ALKBH2: variants seen among roughly 807,000 people sequenced by gnomAD.
ALKBH2 encodes DNA oxidative demethylase ALKBH2.
A neutral mutation model predicts 19.7 loss-of-function variants in ALKBH2; 19 were observed. The ratio of observed to expected loss-of-function variants is 0.97; its 90% CI spans 0.67 to 1.42. ALKBH2 has a LOEUF of 1.42. Among genes scored for constraint, ALKBH2 ranks in the 40% most tolerant of loss-of-function variants. The pLI, the probability that ALKBH2 is intolerant of heterozygous loss-of-function variation, is 0.00. For synonymous variants in ALKBH2, 135 were observed against 131.2 expected, an observed-to-expected ratio of 1.03 and a Z score of -0.20; for missense variants, 310 against 328.5, an observed-to-expected ratio of 0.94 and a Z score of 0.43.
At chr12:109,093,098 C>G in intron 1 of ALKBH2, 149 bp downstream of exon 1, 1 of 323,658 alleles carries the variant, frequency 3.1e-6, no homozygotes, top group East Asian at 6.5e-5. Flanking sequence ...AAAGAACTAC[C>G]TCCTGGGAAT....
chr12:109,091,841 C>T (rs1000132569), intron 2 of ALKBH2, among the ~76,000 whole-genome samples: 1 of 152,224 alleles, frequency 6.6e-6, no homozygotes, highest in Non-Finnish European at 1.5e-5. Flanking sequence ...CGAGCCACCA[C>T]GCCTAGCTTC....
chr12:109,092,729 G>T lies in ALKBH2; in HGVS notation c.58C>A (p.Gln20Lys). ...GCTGGCTCTTCTCCAGTTGGCTCTT[G>T]CTCCTCCTGCTTCCTCAAAAGGCCC... The part of the protein sequence containing the change: ...QGGLLRKQEE[Q>K]EPTGEEPAVL... Residue 20 changes from glutamine to lysine, a missense_variant, in exon 2 of 4, where the codon CAA (glutamine) becomes AAA (lysine). Physicochemically the swap from Gln to Lys is moderately conservative, Grantham distance 53. Transcript: ENST00000429722. The T allele has an allele frequency of 6.2e-7, 1 of 1,614,022 alleles. No individual in the cohort carries two copies. The highest frequency in any genetic ancestry group is 8.5e-7 in the Non-Finnish European group (1 of 1,179,998).
rs1310030899 is a variant in ALKBH2 at position 109,090,096 on chromosome 12, G to C, written c.392C>G (p.Pro131Arg). The stretch of plus-strand genomic sequence containing the variant: ...CTCTAGAACTGGGATCCAGGGCTTT[G>C]GAGACAGCGTGAGGCCTGAAAATGT... ...TYTFSGLTLS[P>R]KPWIPVLERI... The change falls in exon 3 of 4, where the codon CCA becomes CGA. Residue 131 changes from proline (P) to arginine (R), a missense_variant. Transcript: ENST00000429722. 5.0e-6 allele frequency: 8 copies of C among 1,614,074 alleles called. No homozygotes were observed. The Admixed American group carries it at 5.0e-5, about 10-fold the overall frequency.
At chr12:109,091,628 C>G (rs1164876146) in intron 2 of ALKBH2, among the ~76,000 whole-genome samples, 2 of 152,166 alleles carry the variant, frequency 1.3e-5, no homozygotes, top group African/African-American at 4.8e-5. Flanking sequence ...ACCTCTGCCT[C>G]CCGGTTTCAA....
intron 2 of ALKBH2, among the ~76,000 whole-genome samples, chr12:109,091,534 GTTTT>G (rs1157873045): frequency 6.6e-6 from 1 of 151,738 alleles, no homozygotes; most frequent in Non-Finnish European, 1.5e-5. Context: ...GTGGGCTTTC[GTTTT>G]TTGTTTTGTT....
At position 109,092,688 on chromosome 12, in the gene ALKBH2, G is replaced by C. The variant is rs150354394; in HGVS notation, c.99C>G (p.Asp33Glu). 4 of 1,613,990 alleles carry C rather than the reference G, an allele frequency of 2.5e-6. No homozygotes were observed. The African/African-American group carries it at 4.0e-5, about 16-fold the overall frequency. Residue 33 changes from aspartate (D) to glutamate (E), a missense_variant, in exon 2 of 4, where the codon GAC (aspartate) becomes GAG (glutamate). Asp to Glu is a conservative substitution (Grantham distance 45). Coordinates refer to ENST00000429722, the MANE Select transcript of ALKBH2 (RefSeq NM_001145374.2). ...TGGGCCTCTTCCTTGTGCTTTCTTT[G>C]TCTCCTCCCAACACAGCTGGCTCTT... ...TGEEPAVLGG[D>E]KESTRKRPRR...
chr12:109,090,283 C>T, intron 2 of ALKBH2, 76 bp from the exon 3 acceptor site: 1 of 1,331,384 alleles, frequency 7.5e-7, no homozygotes, highest in South Asian at 1.2e-5. Context: ...CCAACCCGCA[C>T]TGCCATCACC....
intron 3 of ALKBH2, chr12:109,089,756 AAAAAG>A: frequency 1.6e-5 from 8 of 505,912 alleles, no homozygotes; most frequent in South Asian, 2.3e-5. Context: ...CTCAAAAAAA[AAAAAG>A]AAAGAAAAAG....
rs776194581 is a variant in ALKBH2 at position 109,092,820 on chromosome 12, C to T, written c.-34G>A. On this transcript the variant is annotated 5_prime_UTR_variant, in exon 2 of 4. Coordinates refer to ENST00000429722, the MANE Select transcript of ALKBH2 (RefSeq NM_001145374.2). The stretch of plus-strand genomic sequence containing the variant: ...CACAGGAAAGAAGGGACGTCAGTGG[C>T]GAGGCCAAGACAGAAATTGCTCAAG... The T allele has an allele frequency of 6.4e-6, 10 of 1,571,840 alleles. No individual in the cohort carries two copies. Among genetic ancestry groups the T allele is most frequent in the South Asian group, 2.4e-5 (2 of 84,038 alleles).
rs1371584376 is a variant in ALKBH2 at position 109,088,259 on chromosome 12, GA to G, written c.732del (p.Leu245TrpfsTer5). 2.5e-6 allele frequency: 4 copies of G among 1,613,352 alleles called. No homozygotes were observed. In the African/African-American group the frequency reaches 5.3e-5, roughly 22 times the overall value. On this transcript the variant is annotated frameshift_variant, in exon 4 of 4. Transcript: ENST00000429722. LOFTEE classifies it high-confidence loss of function. This position sits in a 1 kb window ranked among gnomAD's most constrained non-coding sequence, Gnocchi z 4.2. The part of the protein sequence containing the change: ...WYHSLPVRKK[V>X]LAPRVNLTFR... ...AAAGTCAGATTCACCCGTGGAGCCA[GA>G]ACCTTCTTTCTCACGGGAAGACTGT...
At position 109,088,632 on chromosome 12, in the gene ALKBH2, T is replaced by A. The variant is rs1051874349; in HGVS notation, c.480-120A>T. 4 of 958,910 alleles carry A rather than the reference T, an allele frequency of 4.2e-6. No individual in the cohort carries two copies. Among genetic ancestry groups the A allele is most frequent in the Non-Finnish European group, 6.1e-6 (4 of 658,654 alleles). The allele number at this position is 958,910 out of a possible 1,614,324, so 59.4% of individuals were successfully genotyped here. A position where few individuals can be genotyped will look rare whatever the true frequency, so the allele number is the denominator to read the frequency against. On this transcript the variant is annotated intron_variant, in intron 3 of 3. Transcript: ENST00000429722. The surrounding 1 kb of genome is among the most constrained non-coding windows in gnomAD (Gnocchi z 4.2). ...CACTCTGCATGGCTGTACCTGCCGT[T>A]GTTTCTGCGAGGGCTTGAGGTCCAC...
chr12:109,089,381 A>G (rs1395657223), intron 3 of ALKBH2, among the ~76,000 whole-genome samples: 1 of 152,126 alleles, frequency 6.6e-6, no homozygotes, highest in Admixed American at 6.5e-5. Context: ...CACCAGGGTG[A>G]TTCTGCCCCA....
intron 2 of ALKBH2, among the ~76,000 whole-genome samples, chr12:109,090,756 G>C (rs2042049127): frequency 6.6e-6 from 1 of 152,146 alleles, no homozygotes; most frequent in South Asian, 2.1e-4. Flanking sequence ...GCCTAGACTG[G>C]TCTTGAACTC....
In ALKBH2 at chr12:109,088,332, G is replaced by A. The variant is rs374317590; in HGVS notation, c.660C>T (p.His220=). The change falls in exon 4 of 4, where the codon CAC becomes CAT. Residue 220 remains histidine (H), a synonymous_variant. Transcript: ENST00000429722. This position sits in a 1 kb window ranked among gnomAD's most constrained non-coding sequence, Gnocchi z 4.2. ...RVAVVRLPLA[H]GSLLMMNHPT... is the part of the protein sequence containing the mutation. ...GGTGGTTCATCATTAGTAAGCTCCC[G>A]TGGGCCAGCGGCAGCCTGACCACCG... The A allele has an allele frequency of 6.8e-5, 110 of 1,614,006 alleles. 2 individuals are homozygous for A. In the African/African-American group the frequency reaches 7.1e-4, roughly 10 times the overall value.
chr12:109,090,856 C>T (rs567841344), intron 2 of ALKBH2, among the ~76,000 whole-genome samples: 2 of 152,176 alleles, frequency 1.3e-5, no homozygotes, highest in African/African-American at 2.4e-5. Context: ...CCCAAATGTT[C>T]ATGTAAGAAC....
chr12:109,091,832 G>C (rs184734384), intron 2 of ALKBH2, among the ~76,000 whole-genome samples: 1 of 152,302 alleles, frequency 6.6e-6, no homozygotes, highest in Admixed American at 6.5e-5. Flanking sequence ...TTACAGGCGC[G>C]AGCCACCACG....
intron 2 of ALKBH2, 112 bp downstream of exon 2, chr12:109,092,395 C>A: frequency 9.4e-6 from 13 of 1,377,088 alleles, no homozygotes; most frequent in Non-Finnish European, 1.2e-5. Flanking sequence ...CATTAGTGAA[C>A]CCATCAGTAA....
chr12:109,092,465 C>G, intron 2 of ALKBH2, 42 bp downstream of exon 2: 1 of 1,435,488 alleles, frequency 7.0e-7, no homozygotes. Flanking sequence ...ACCAAACAAG[C>G]CCTCAATGCA....
At chr12:109,089,693 C>T (rs1234866305) in intron 3 of ALKBH2, 4 of 349,052 alleles carry the variant, frequency 1.1e-5, no homozygotes, top group Non-Finnish European at 2.2e-5. Flanking sequence ...GTGGGAGGAT[C>T]GCTTGAGCCT....
Sources: allele counts gnomAD v4.1 joint callset (sites outside exome capture counted in the v4.1 genomes callset), GRCh38; gene constraint gnomAD v4.1.1; non-coding constraint Gnocchi (gnomAD v3.1); transcripts MANE v1.5; gene names NCBI Gene and HGNC (gene_info 2026-07-23, HGNC 2026-07-21).